Variants in CSMD1 observed in about 807,000 individuals in gnomAD.
CSMD1 encodes the protein CUB and Sushi multiple domains 1.
CSMD1 carries 213 observed loss-of-function variants against 417.5 expected under a neutral mutation model. The observed-to-expected ratio is 0.51, with a 90% CI of 0.46 to 0.57. The LOEUF (loss-of-function observed/expected upper bound fraction) is 0.57, where lower values mean the gene tolerates loss of function less well. Ranked by LOEUF, CSMD1 falls within the 20% of genes least tolerant of loss-of-function variation. CSMD1 has a pLI of 0.00. For missense variants in CSMD1, 6,923 were observed against 4,529.7 expected (o/e 1.53, Z -15.17); for synonymous variants, 2,862 against 1,736.8 (o/e 1.65, Z -16.11).
chr8:4,038,361 A>G (rs761121235), intron 3 of CSMD1, among the ~76,000 whole-genome samples: 6 of 152,222 alleles, frequency 3.9e-5, no homozygotes, highest in Admixed American at 1.3e-4. Context: ...AAAAATCAAA[A>G]AAACTTGTAA....
chr8:4,152,959 T>C (rs1796649033), intron 3 of CSMD1, among the ~76,000 whole-genome samples: 1 of 152,192 alleles, frequency 6.6e-6, no homozygotes, highest in African/African-American at 2.4e-5. Context: ...AGAAATGGTA[T>C]TTGCCTTCAT....
At chr8:4,410,780 A>C (rs544292963) in intron 3 of CSMD1, among the ~76,000 whole-genome samples, 1 of 152,170 alleles carries the variant, frequency 6.6e-6, no homozygotes, top group Admixed American at 6.5e-5. Flanking sequence ...ATAACAACTC[A>C]TGAGTTGAGA....
At chr8:4,755,932 T>A (rs565393450) in intron 1 of CSMD1, among the ~76,000 whole-genome samples, 1 of 152,332 alleles carries the variant, frequency 6.6e-6, no homozygotes, top group Admixed American at 6.5e-5. Flanking sequence ...CTCTACACAT[T>A]ACCTAAAACA....
intron 2 of CSMD1, among the ~76,000 whole-genome samples, chr8:4,493,912 C>A (rs139341482): frequency 2.0e-5 from 3 of 152,246 alleles, no homozygotes; most frequent in East Asian, 3.9e-4. Flanking sequence ...ATGATAGACA[C>A]TAACAACTGA....
At position 3,546,278 on chromosome 8, in the gene CSMD1, A is replaced by AG. The variant is rs771547399; in HGVS notation, c.1344+28666_1344+28667insC. 1.2e-3 allele frequency among the ~76,000 whole-genome samples: 176 copies of AG among 151,882 alleles called. 1 individual carries two copies. Among genetic ancestry groups the AG allele is most frequent in the Non-Finnish European group, 2.1e-3 (141 of 67,956 alleles). On this transcript the variant is annotated intron_variant, in intron 10 of 69. Transcript: ENST00000635120. ...GAATTTTTCCTCTATTATTAAAAAA[A>AG]AAATCCCAGTACTTTGGGAGGCCAA...
chr8:4,070,483 G>A (rs895637628), intron 3 of CSMD1, among the ~76,000 whole-genome samples: 6 of 151,866 alleles, frequency 4.0e-5, no homozygotes, highest in Admixed American at 1.3e-4. Flanking sequence ...TCAGCCTCCC[G>A]AGTAGCTGGG....
intron 3 of CSMD1, among the ~76,000 whole-genome samples, chr8:4,186,868 T>G (rs1424011484): frequency 3.3e-4 from 49 of 148,800 alleles, no homozygotes; most frequent in African/African-American, 1.2e-3. Flanking sequence ...TGGTGTTGAG[T>G]GCCTGTAGTC....
chr8:4,907,820 C>A (rs930751835), intron 1 of CSMD1, among the ~76,000 whole-genome samples: 1 of 151,914 alleles, frequency 6.6e-6, no homozygotes, highest in African/African-American at 2.4e-5. Flanking sequence ...CTTTCCTCAG[C>A]CTCGCAAAGT....
At chr8:3,699,350 G>A (rs1287906174) in intron 7 of CSMD1, among the ~76,000 whole-genome samples, 1 of 152,158 alleles carries the variant, frequency 6.6e-6, no homozygotes, top group Admixed American at 6.5e-5. Context: ...TTACTGACAT[G>A]GATGAATTAT....
chr8:3,876,979 C>G lies in CSMD1; in HGVS notation c.818+120924G>C, dbSNP rs557337127. On this transcript the variant is annotated intron_variant, in intron 5 of 69. Transcript: ENST00000635120. ...ACAAGAAATAATTCATAAGTCATAA[C>G]ACAGATCTCAAGCAATAACATACTT... Among the ~76,000 whole-genome samples the G allele has an allele frequency of 3.9e-5, 6 of 152,316 alleles. No individual in the cohort carries two copies. In the South Asian group the frequency reaches 8.3e-4, roughly 21 times the overall value.
intron 3 of CSMD1, among the ~76,000 whole-genome samples, chr8:4,233,428 C>A (rs537261352): frequency 1.3e-5 from 2 of 152,144 alleles, no homozygotes; most frequent in Non-Finnish European, 2.9e-5. Context: ...AAACCTGACC[C>A]CGAATGTGAT....
At chr8:4,600,838 A>G (rs959394403) in intron 2 of CSMD1, among the ~76,000 whole-genome samples, 3 of 152,228 alleles carry the variant, frequency 2.0e-5, no homozygotes. Flanking sequence ...TATCTAAAGA[A>G]GATATTCTGA....
At chr8:4,145,188 T>C (rs1804035488) in intron 3 of CSMD1, among the ~76,000 whole-genome samples, 1 of 151,052 alleles carries the variant, frequency 6.6e-6, no homozygotes, top group African/African-American at 2.5e-5. Flanking sequence ...ACTAAAACAC[T>C]AGTACGTGTT....
intron 54 of CSMD1, among the ~76,000 whole-genome samples, chr8:2,983,857 A>G (rs1225604353): frequency 6.6e-6 from 1 of 152,232 alleles, no homozygotes; most frequent in East Asian, 1.9e-4. Context: ...TTAAATTTCA[A>G]TATAATTATT....
rs865956037 is a variant in CSMD1, at chr8:3,796,070, C to G, written c.819-42028G>C. On this transcript the variant is annotated intron_variant, in intron 5 of 69. Transcript: ENST00000635120. ...ATCATAGATATAGATATATATCTAT[C>G]ATAGATATAGATATATATCTATCAT... Among the ~76,000 whole-genome samples, 29 of 39,048 alleles carry G rather than the reference C, an allele frequency of 7.4e-4. 6 individuals carry two copies. Among genetic ancestry groups the G allele is most frequent in the African/African-American group, 1.0e-3 (13 of 12,572 alleles). 25.6% of individuals were successfully genotyped at this position (39,048 alleles called of 152,430 possible).
intron 41 of CSMD1, among the ~76,000 whole-genome samples, chr8:3,139,539 A>G (rs908242030): frequency 6.6e-6 from 1 of 152,140 alleles, no homozygotes; most frequent in Admixed American, 6.5e-5. Flanking sequence ...TCGATAGAAG[A>G]CCCCATCATG....
At chr8:4,048,038 G>A (rs753988003) in intron 3 of CSMD1, among the ~76,000 whole-genome samples, 8 of 151,586 alleles carry the variant, frequency 5.3e-5, no homozygotes, top group Non-Finnish European at 1.0e-4. Context: ...CCACTAAAAT[G>A]ACATGTAGAA....
At position 4,035,765 on chromosome 8, in the gene CSMD1, C is replaced by T. The variant is rs146458809; in HGVS notation, c.416-3666G>A. 7.2e-5 allele frequency among the ~76,000 whole-genome samples: 11 copies of T among 152,036 alleles called. No homozygotes were observed. The East Asian group carries it at 9.7e-4, about 13-fold the overall frequency. ...AATGAAAAAGAAGTTTATGAAGTAACGTTATACTAAGCTTAATTTATGATT... is the reference window on the plus strand; with the variant it reads ...AATGAAAAAGAAGTTTATGAAGTAATGTTATACTAAGCTTAATTTATGATT... On this transcript the variant is annotated intron_variant, in intron 3 of 69. Transcript: ENST00000635120.
At chr8:3,531,897 C>T (rs956067523) in intron 10 of CSMD1, among the ~76,000 whole-genome samples, 3 of 152,288 alleles carry the variant, frequency 2.0e-5, no homozygotes, top group Middle Eastern at 3.4e-3. Context: ...CTAATCAGCA[C>T]ATGCACAGTA....
Sources: gnomAD v4.1 joint callset for allele counts (sites outside exome capture counted in the v4.1 genomes callset) on GRCh38, gnomAD v4.1.1 for gene constraint, MANE v1.5 for transcripts, NCBI Gene and HGNC (gene_info 2026-07-23, HGNC 2026-07-21) for gene names.